The following GRB7 variants were observed in gnomAD, a reference collection of about 807,000 sequenced individuals.
The protein encoded by GRB7 is growth factor receptor-bound protein 7.
GRB7 carries 47 observed loss-of-function variants against 64.1 expected under a neutral mutation model. That is an observed-to-expected ratio of 0.73 (90% CI 0.58 to 0.94). GRB7 has a LOEUF of 0.94. Among genes scored for constraint, GRB7 ranks in the 40% least tolerant of loss-of-function variants. The pLI is 0.00. For missense variants in GRB7, 634 were observed against 718.4 expected (o/e 0.88, Z 1.34); for synonymous variants, 277 against 279.9 (o/e 0.99, Z 0.10).
chr17:39,745,497 G>A lies in GRB7; in HGVS notation c.1168G>A (p.Glu390Lys). Residue 390 changes from glutamate to lysine, a missense_variant, in exon 11 of 15, where the codon GAG becomes AAG. Coordinates refer to ENST00000309156, the MANE Select transcript of GRB7 (RefSeq NM_005310.5). ...HAGRVIENPR[E>K]ALSVALEEAQ... ...TGGGCGTGTCATTGAGAACCCCCGGGAGGCTCTGAGTGTGGCCCTGGAGGA... is the reference window on the plus strand; with the variant it reads ...TGGGCGTGTCATTGAGAACCCCCGGAAGGCTCTGAGTGTGGCCCTGGAGGA... The A allele has an allele frequency of 1.2e-6, 2 of 1,614,024 alleles. No homozygotes were observed. Among genetic ancestry groups the A allele is most frequent in the African/African-American group, 1.3e-5 (1 of 75,050 alleles).
Position 39,746,877 on chromosome 17 carries a change from T to C in GRB7, c.1579T>C (p.Cys527Arg), listed in dbSNP as rs1435079969. ...CCTGCCGTGCTTGCTGCGCCATTGC[T>C]GCACGCGGGTGGCCCTCTGACCAGG... ...GILPCLLRHCCTRVAL is the reference protein window; with the variant it reads ...GILPCLLRHCRTRVAL The change falls in exon 15 of 15, where the codon TGC becomes CGC. Residue 527 changes from cysteine to arginine, a missense_variant. Around this residue, in one of 2 missense-constraint regions of GRB7, gnomAD observed 467 missense variants for 576.6 expected, o/e 0.81. Transcript: ENST00000309156. The C allele has an allele frequency of 1.3e-5, 21 of 1,610,372 alleles. No homozygotes were observed. The highest frequency in any genetic ancestry group is 1.8e-5 in the Non-Finnish European group (21 of 1,179,912).
chr17:39,738,337 C>G (rs547861385), intron 1 of GRB7: 269 of 152,406 alleles, frequency 1.8e-3, no homozygotes, highest in Non-Finnish European at 3.2e-3. Flanking sequence ...AAGGGCCTGG[C>G]GTCTCCCTCC....
intron 1 of GRB7, chr17:39,740,063 C>T (rs2059982023): frequency 2.0e-6 from 2 of 985,546 alleles, no homozygotes; most frequent in Non-Finnish European, 2.4e-6. Flanking sequence ...GCACTGCCCT[C>T]CCGAATTCTC....
intron 14 of GRB7, among the ~76,000 whole-genome samples, 168 bp downstream of exon 14, chr17:39,746,370 A>G (rs2060046777): frequency 6.6e-6 from 1 of 152,094 alleles, no homozygotes; most frequent in Non-Finnish European, 1.5e-5. Flanking sequence ...TAATCCCAGC[A>G]CTTAGGACGG....
rs750609986 is a variant in GRB7 at position 39,742,617 on chromosome 17, C to T, written c.207C>T (p.Asn69=). ...RRATSLPSIP[N]PFPELCSPPS... is the part of the protein sequence containing the mutation. ...CCACCTCCCTCCCCTCTATCCCCAA[C>T]CCCTTCCCTGAGCTCTGCAGTCCTC... Residue 69 remains asparagine, a synonymous_variant, in exon 3 of 15, where the codon AAC becomes AAT. Transcript: ENST00000309156. 4 of 1,613,616 alleles carry T rather than the reference C, an allele frequency of 2.5e-6. No individual in the cohort carries two copies. The African/African-American group carries it at 4.0e-5, about 16-fold the overall frequency.
At chr17:39,743,492 C>G (rs2060015576) in intron 6 of GRB7, 22 bp downstream of exon 6, 1 of 1,590,588 alleles carries the variant, frequency 6.3e-7, no homozygotes, top group Non-Finnish European at 8.6e-7. Context: ...CCCCATTTCA[C>G]TGCAGATTCA....
chr17:39,739,042 T>C, intron 1 of GRB7: 1 of 923,026 alleles, frequency 1.1e-6, no homozygotes. Context: ...TAGCAGATGG[T>C]TTCTTCTGCT....
chr17:39,744,805 T>C, intron 8 of GRB7, 81 bp from the exon 9 acceptor site: 1 of 1,382,802 alleles, frequency 7.2e-7, no homozygotes, highest in Non-Finnish European at 1.0e-6. Flanking sequence ...AACTCCTGGA[T>C]TCAGCTCTGC....
rs1256553538 is a variant in GRB7, at chr17:39,745,482, A to G, written c.1153A>G (p.Ile385Val). 5.6e-6 allele frequency: 9 copies of G among 1,613,920 alleles called. No homozygotes were observed. The highest frequency in any genetic ancestry group is 1.3e-5 in the African/African-American group (1 of 74,908). ...CTTCTCTGGCCATGCTGGGCGTGTC[A>G]TTGAGAACCCCCGGGAGGCTCTGAG... ...MDFSGHAGRV[I>V]ENPREALSVA... is the part of the protein sequence containing the mutation. The change falls in exon 11 of 15, where the codon ATT (isoleucine) becomes GTT (valine). Residue 385 changes from isoleucine (I) to valine (V), a missense_variant. Physicochemically the swap from Ile to Val is conservative, Grantham distance 29. Around this residue, in one of 2 missense-constraint regions of GRB7, gnomAD observed 467 missense variants for 576.6 expected, o/e 0.81. Coordinates refer to ENST00000309156, the MANE Select transcript of GRB7 (RefSeq NM_005310.5).
chr17:39,739,165 A>G (rs1003230562), intron 1 of GRB7, among the ~76,000 whole-genome samples: 99 of 130,948 alleles, frequency 7.6e-4, no homozygotes, highest in Non-Finnish European at 1.2e-3. Context: ...CCGCCCCCCA[A>G]CTAGCCGCAC....
At position 39,746,106 on chromosome 17, in the gene GRB7, C is replaced by T; in HGVS notation, c.1359-3C>T. The T allele has an allele frequency of 1.2e-6, 2 of 1,613,982 alleles. No individual in the cohort carries two copies. Among genetic ancestry groups the T allele is most frequent in the Non-Finnish European group, 1.7e-6 (2 of 1,179,852 alleles). ...TGCTGCCCCATCTCCTGTCTTCTGG[C>T]AGCCTGTTCCTGGTCCGGGAGAGTC... On this transcript the variant is annotated splice_region_variant and splice_polypyrimidine_tract_variant and intron_variant, in intron 13 of 14. Coordinates refer to ENST00000309156, the MANE Select transcript of GRB7 (RefSeq NM_005310.5).
At chr17:39,744,491 G>A (rs2271307) in intron 7 of GRB7, 62 bp from the exon 8 acceptor site, 7 of 1,345,850 alleles carry the variant, frequency 5.2e-6, no homozygotes, top group African/African-American at 4.3e-5. Context: ...CCTGGCTTGT[G>A]GGGGGAGGTA....
In GRB7 at chr17:39,744,116, A is replaced by G; in HGVS notation, c.710A>G (p.Gln237Arg). 6.2e-7 allele frequency: 1 copy of G among 1,614,166 alleles called. No individual in the cohort carries two copies. Among genetic ancestry groups the G allele is most frequent in the South Asian group, 1.1e-5 (1 of 91,088 alleles). ...GSFPEIQGFL[Q>R]LRGSGRKLWK... ...TTTCCTGAGATCCAGGGCTTTCTGCAGCTGCGGGGTTCAGGACGGAAGCTT... is the reference window on the plus strand; with the variant it reads ...TTTCCTGAGATCCAGGGCTTTCTGCGGCTGCGGGGTTCAGGACGGAAGCTT... The change falls in exon 7 of 15, where the codon CAG (glutamine) becomes CGG (arginine). Residue 237 changes from glutamine to arginine, a missense_variant. Coordinates refer to ENST00000309156, the MANE Select transcript of GRB7 (RefSeq NM_005310.5).
intron 6 of GRB7, 88 bp from the exon 7 acceptor site, chr17:39,743,982 A>T: frequency 6.6e-7 from 1 of 1,514,274 alleles, no homozygotes; most frequent in Non-Finnish European, 8.9e-7. Context: ...CTGTCTCAAA[A>T]AGAAAAAGAA....
chr17:39,738,830 G>A lies in GRB7; in HGVS notation c.-51+697G>A, dbSNP rs997037767. ...CCACTTTGGAGGGCAGTGAAGGAGA[G>A]GGATCCTCTAAATTGTCGAGGCTTC... On this transcript the variant is annotated intron_variant, in intron 1 of 14. Coordinates refer to ENST00000309156, the MANE Select transcript of GRB7 (RefSeq NM_005310.5). 3.6e-6 allele frequency: 5 copies of A among 1,401,252 alleles called. No homozygotes were observed. The African/African-American group carries it at 7.1e-5, about 20-fold the overall frequency. The allele number at this position is 1,401,252 out of a possible 1,614,324, so 86.8% of individuals were successfully genotyped here.
rs769991267 is a variant in GRB7, at chr17:39,742,967, C to T, written c.376C>T (p.His126Tyr). 1.4e-5 allele frequency: 22 copies of T among 1,613,266 alleles called. No individual in the cohort carries two copies. The highest frequency in any genetic ancestry group is 1.6e-4 in the Middle Eastern group (1 of 6,080). The change falls in exon 4 of 15, where the codon CAC becomes TAC. Residue 126 changes from histidine to tyrosine, a missense_variant. By Grantham distance (83) the His-to-Tyr change is moderately conservative. Around this residue, in one of 2 missense-constraint regions of GRB7, gnomAD observed 467 missense variants for 576.6 expected, o/e 0.81. Coordinates refer to ENST00000309156, the MANE Select transcript of GRB7 (RefSeq NM_005310.5). ...VEVAAGATAR[H>Y]VCEMLVQRAH... The stretch of plus-strand genomic sequence containing the variant: ...GGTGGCAGCAGGTGCCACAGCTCGC[C>T]ACGTGTGTGAAATGCTGGTGCAGCG...
intron 1 of GRB7, chr17:39,738,603 T>A: frequency 5.6e-6 from 1 of 179,092 alleles, no homozygotes. Context: ...TACACCTCCC[T>A]GCAGGCAGCA....
At chr17:39,739,099 G>A in intron 1 of GRB7, 1 of 512,538 alleles carries the variant, frequency 2.0e-6, no homozygotes, top group Non-Finnish European at 3.3e-6. Flanking sequence ...GGTCTCCCTG[G>A]CAGATTGAGG....
chr17:39,745,567 G>T (rs1319234160), intron 11 of GRB7, 29 bp downstream of exon 11: 3 of 1,578,804 alleles, frequency 1.9e-6, no homozygotes, highest in Non-Finnish European at 2.6e-6. Flanking sequence ...GTGTGTGTTT[G>T]TGCTGGGGAC....
Sources: allele counts gnomAD v4.1 joint callset (sites outside exome capture counted in the v4.1 genomes callset), GRCh38; gene constraint gnomAD v4.1.1; regional missense constraint gnomAD v4.1.1; transcripts MANE v1.5; gene names NCBI Gene and HGNC (gene_info 2026-07-23, HGNC 2026-07-21).